Variants in CDC5L observed in about 807,000 individuals in gnomAD.
The protein encoded by CDC5L is cell division cycle 5 like.
Under a neutral mutation model 104.1 loss-of-function variants are expected in CDC5L, and 18 were observed. That is an observed-to-expected ratio of 0.17 (90% CI 0.12 to 0.26). The LOEUF (loss-of-function observed/expected upper bound fraction) is 0.26, where lower values mean the gene tolerates loss of function less well. CDC5L is among the 10% of genes least tolerant of loss of function. The pLI is 1.00. For synonymous variants in CDC5L, 331 were observed against 322.7 expected (o/e 1.03, Z -0.28); for missense variants, 673 against 956.9 (o/e 0.70, Z 3.91).
chr6:44,430,080 T>G (rs1017773321), intron 14 of CDC5L, among the ~76,000 whole-genome samples, 170 bp downstream of exon 14: 11 of 150,716 alleles, frequency 7.3e-5, no homozygotes, highest in Non-Finnish European at 1.3e-4. Flanking sequence ...TTGTTCATTG[T>G]TTTTTTTTGT....
At position 44,403,925 on chromosome 6, in the gene CDC5L, A is replaced by G; in HGVS notation, c.656A>G (p.Lys219Arg). 6.2e-7 allele frequency: 1 copy of G among 1,613,818 alleles called. No individual in the cohort carries two copies. Among genetic ancestry groups the G allele is most frequent in the Non-Finnish European group, 8.5e-7 (1 of 1,179,882 alleles). ...AATGCCGAAATCCCATTTGAAAAAA[A>G]GCCTGCCCTTGGTTTTTATGATACT... is the stretch of plus-strand genomic sequence containing the variant. ...DYNAEIPFEK[K>R]PALGFYDTSE... The change falls in exon 6 of 16, where the codon AAG becomes AGG. Residue 219 changes from lysine to arginine, a missense_variant. Lys to Arg is a conservative substitution (Grantham distance 26). Transcript: ENST00000371477.
intron 8 of CDC5L, among the ~76,000 whole-genome samples, chr6:44,410,489 A>G (rs1791577603): frequency 6.6e-6 from 1 of 152,230 alleles, no homozygotes; most frequent in Non-Finnish European, 1.5e-5. Context: ...TTCCAGAGGT[A>G]GAATTTTTCA....
rs145618400 is a variant in CDC5L at position 44,390,649 on chromosome 6, G to T, written c.149+278G>T. Reference sequence around the variant, plus strand: ...TAGAGATGTGAGTTGTCATCTAAATGGGTTAATGTATTTGAGAGTGCTTTG... The same window carrying T: ...TAGAGATGTGAGTTGTCATCTAAATTGGTTAATGTATTTGAGAGTGCTTTG... On this transcript the variant is annotated intron_variant, in intron 2 of 15. Coordinates refer to ENST00000371477, the MANE Select transcript of CDC5L (RefSeq NM_001253.4). Among the ~76,000 whole-genome samples, 151 of 152,200 alleles carry T rather than the reference G, an allele frequency of 9.9e-4. 1 individual carries two copies. Among genetic ancestry groups the T allele is most frequent in the African/African-American group, 3.1e-3 (130 of 41,512 alleles).
intron 13 of CDC5L, among the ~76,000 whole-genome samples, chr6:44,427,547 A>G (rs1363259392): frequency 1.3e-5 from 2 of 152,094 alleles, no homozygotes; most frequent in Non-Finnish European, 2.9e-5. Flanking sequence ...ACAATTTCTT[A>G]CTTTGTGTTT....
At chr6:44,440,327 C>T (rs560851069) in intron 14 of CDC5L, among the ~76,000 whole-genome samples, 4 of 151,506 alleles carry the variant, frequency 2.6e-5, no homozygotes, top group Admixed American at 6.6e-5. Context: ...TTGCAACCTC[C>T]GCCTCCTGGG....
chr6:44,437,516 G>T (rs10484624), intron 14 of CDC5L, among the ~76,000 whole-genome samples: 5,534 of 152,132 alleles, frequency 0.036, 211 homozygotes, highest in African/African-American at 0.095. Context: ...TATTTGCTTG[G>T]AACCTTAGCG....
rs560121038 is a variant in CDC5L, at chr6:44,420,666, A to G, written c.1241+1069A>G. Among the ~76,000 whole-genome samples, 343 of 152,190 alleles carry G rather than the reference A, an allele frequency of 2.3e-3. 3 individuals are homozygous for G. Among genetic ancestry groups the G allele is most frequent in the South Asian group, 3.9e-3 (19 of 4,822 alleles). The stretch of plus-strand genomic sequence containing the variant: ...AGCCACTGCGCCTGGCCAAAATCCA[A>G]ACTTTTTGAGCACCAACATGACACT... On this transcript the variant is annotated intron_variant, in intron 9 of 15. Transcript: ENST00000371477.
intron 8 of CDC5L, among the ~76,000 whole-genome samples, chr6:44,417,035 CA>C (rs1289901986): frequency 6.6e-6 from 1 of 152,106 alleles, no homozygotes; most frequent in African/African-American, 2.4e-5. Flanking sequence ...CATTTTGCCT[CA>C]AAATTTAGTG....
In CDC5L at chr6:44,387,835, T is replaced by C; in HGVS notation, c.12T>C (p.Ile4=). 6.4e-7 allele frequency: 1 copy of C among 1,567,514 alleles called. No homozygotes were observed. The highest frequency in any genetic ancestry group is 8.7e-7 in the Non-Finnish European group (1 of 1,154,990). MPR[I]MIKGGVWRNT... ...ACCCTGCCGCCAAGATGCCTCGAAT[T>C]ATGATCAAGGGGGGCGTATGGAGGA... Residue 4 remains isoleucine, a synonymous_variant, in exon 1 of 16, where the codon ATT becomes ATC. Coordinates refer to ENST00000371477, the MANE Select transcript of CDC5L (RefSeq NM_001253.4).
chr6:44,422,288 C>CA (rs1394007876), intron 9 of CDC5L, among the ~76,000 whole-genome samples: 3 of 152,314 alleles, frequency 2.0e-5, no homozygotes, highest in South Asian at 2.1e-4. Flanking sequence ...ACACAAAACT[C>CA]AAAGAGTCAT....
At chr6:44,391,004 T>C (rs1790577356) in intron 2 of CDC5L, among the ~76,000 whole-genome samples, 1 of 123,720 alleles carries the variant, frequency 8.1e-6, no homozygotes, top group African/African-American at 2.9e-5. Context: ...ATATTTAATA[T>C]GTTATATATT....
chr6:44,425,798 C>T (rs574281566), intron 11 of CDC5L, among the ~76,000 whole-genome samples: 4 of 151,874 alleles, frequency 2.6e-5, no homozygotes, highest in African/African-American at 9.7e-5. Context: ...AGAGTTTTGT[C>T]GTGGGAGTCT....
chr6:44,433,529 G>A (rs1189026536), intron 14 of CDC5L, among the ~76,000 whole-genome samples: 1 of 152,152 alleles, frequency 6.6e-6, no homozygotes, highest in Non-Finnish European at 1.5e-5. Flanking sequence ...AAACTGCTGT[G>A]TTGAGGAAGT....
chr6:44,402,825 A>C (rs1420137141), intron 5 of CDC5L, among the ~76,000 whole-genome samples: 1 of 152,180 alleles, frequency 6.6e-6, no homozygotes, highest in Admixed American at 6.5e-5. Context: ...GCCTCTTTCC[A>C]TATCAGAGTA....
intron 14 of CDC5L, among the ~76,000 whole-genome samples, chr6:44,435,161 G>A (rs938591575): frequency 1.2e-4 from 17 of 141,028 alleles, no homozygotes; most frequent in Non-Finnish European, 6.0e-5. Flanking sequence ...ACTAAACTGG[G>A]ATCATATTCT....
Position 44,387,810 on chromosome 6 carries a change from A to T in CDC5L, c.-14A>T. The T allele has an allele frequency of 6.4e-7, 1 of 1,559,244 alleles. No homozygotes were observed. On this transcript the variant is annotated 5_prime_UTR_variant, in exon 1 of 16. Coordinates refer to ENST00000371477, the MANE Select transcript of CDC5L (RefSeq NM_001253.4). ...GCTCCTCTCGGCTGCTTGCCGAGAC[A>T]CCCTGCCGCCAAGATGCCTCGAATT...
intron 8 of CDC5L, among the ~76,000 whole-genome samples, chr6:44,416,923 A>C (rs1791934029): frequency 6.6e-6 from 1 of 152,240 alleles, no homozygotes; most frequent in African/African-American, 2.4e-5. Context: ...TTGGAATAGC[A>C]AAAAGGACAC....
intron 5 of CDC5L, among the ~76,000 whole-genome samples, chr6:44,398,023 C>G (rs1249047758): frequency 1.3e-5 from 2 of 152,172 alleles, no homozygotes; most frequent in East Asian, 3.9e-4. Context: ...CCTGCTGATT[C>G]TTCTTGACCT....
At position 44,403,989 on chromosome 6, in the gene CDC5L, G is replaced by A. The variant is rs1157927985; in HGVS notation, c.720G>A (p.Arg240=). 6.2e-7 allele frequency: 1 copy of A among 1,612,280 alleles called. No homozygotes were observed. The highest frequency in any genetic ancestry group is 2.2e-5 in the East Asian group (1 of 44,864). The change falls in exon 6 of 16, where the codon AGG becomes AGA. Residue 240 remains arginine, a synonymous_variant. Transcript: ENST00000371477. ...ACCAAGCTCTTGACGCAGATTTCAGGAAATTAAGACAACAGGATCTTGATG... is the reference window on the plus strand; with the variant it reads ...ACCAAGCTCTTGACGCAGATTTCAGAAAATTAAGACAACAGGATCTTGATG... ...ENYQALDADF[R]KLRQQDLDGE... is the part of the protein sequence containing the mutation.
Sources: allele counts gnomAD v4.1 joint callset (sites outside exome capture counted in the v4.1 genomes callset), GRCh38; gene constraint gnomAD v4.1.1; transcripts MANE v1.5; gene names NCBI Gene and HGNC (gene_info 2026-07-23, HGNC 2026-07-21).